Variants in IL9R observed in about 807,000 individuals in gnomAD.
The protein encoded by IL9R is interleukin 9 receptor, also known as interleukin-9 receptor.
Under a neutral mutation model 56.3 loss-of-function variants are expected in IL9R, and 54 were observed. That is an observed-to-expected ratio of 0.96 (90% CI 0.77 to 1.20). The LOEUF (loss-of-function observed/expected upper bound fraction) is 1.20. Ranked by LOEUF, IL9R falls within the 50% of genes most tolerant of loss-of-function variation. The probability of loss-of-function intolerance (pLI) is 0.00; values close to 1 mark genes in which losing one functional copy is unlikely to be tolerated. For missense variants in IL9R, 545 were observed against 629.8 expected, an observed-to-expected ratio of 0.87 and a Z score of 1.44; for synonymous variants, 212 against 250.2, an observed-to-expected ratio of 0.85 and a Z score of 1.44.
rs1325321794 is a variant in IL9R at position 156,003,736 on chromosome X, T to C, written c.314T>C (p.Val105Ala). The change falls in exon 4 of 9, where the codon GTG becomes GCG. Residue 105 changes from valine (V) to alanine (A), a missense_variant. Transcript: ENST00000244174. ...CILRGSECTV[V>A]LPPEAVLVPS... ...TTGCGGGGCAGTGAGTGCACCGTCG[T>C]GCTGCCACCTGAGGCAGTGCTCGTG... is the stretch of plus-strand genomic sequence containing the variant. 6.2e-7 allele frequency: 1 copy of C among 1,613,930 alleles called. No individual in the cohort carries two copies. Among genetic ancestry groups the C allele is most frequent in the Non-Finnish European group, 8.5e-7 (1 of 1,179,830 alleles).
Position 156,010,143 on chromosome X carries a change from A to G in IL9R, c.1300A>G (p.Ser434Gly), listed in dbSNP as rs2068400602. The stretch of plus-strand genomic sequence containing the variant: ...CTCAGAGGGCAGCAGGAGCAGCAGC[A>G]GCAGCAGCAGCAGCAACAACAACAA... ...PDSEGSRSSS[S>G]SSSSNNNNYC... Residue 434 changes from serine (S) to glycine (G), a missense_variant, in exon 9 of 9, where the codon AGC (serine) becomes GGC (glycine). By Grantham distance (56) the Ser-to-Gly change is moderately conservative (BLOSUM62 0). Transcript: ENST00000244174. 6.4e-7 allele frequency: 1 copy of G among 1,551,988 alleles called. No individual in the cohort carries two copies. The highest frequency in any genetic ancestry group is 1.8e-5 in the Admixed American group (1 of 55,560).
chrX:156,000,787 G>A (rs1001634917), intron 1 of IL9R, among the ~76,000 whole-genome samples: 1 of 152,186 alleles, frequency 6.6e-6, no homozygotes, highest in Non-Finnish European at 1.5e-5. Context: ...AAGCACTGTG[G>A]TGCCTTCTGC....
intron 5 of IL9R, among the ~76,000 whole-genome samples, chrX:156,004,773 C>T (rs1292511594): frequency 6.6e-6 from 1 of 152,092 alleles, no homozygotes; most frequent in African/African-American, 2.4e-5. Context: ...GCCTGTGTCT[C>T]TGTGTGTGCA....
intron 1 of IL9R, chrX:156,001,300 G>C: frequency 1.2e-6 from 1 of 818,736 alleles, no homozygotes; most frequent in Non-Finnish European, 2.2e-6. Context: ...TCAGCTCTCA[G>C]CTGTGGCCGT....
At chrX:156,009,385 TTGTGTGTGTG>T in intron 8 of IL9R, among the ~76,000 whole-genome samples, 1 of 139,564 alleles carries the variant, frequency 7.2e-6, no homozygotes, top group Non-Finnish European at 1.5e-5. Context: ...CTGTGTGTGT[TTGTGTGTGTG>T]TGTGTCTCTG....
intron 6 of IL9R, 99 bp downstream of exon 6, chrX:156,005,578 C>A: frequency 2.0e-6 from 2 of 1,020,492 alleles, no homozygotes; most frequent in South Asian, 1.4e-5. Flanking sequence ...CTCCTGTAAG[C>A]CCCTCCCCGA....
Position 156,005,962 on chromosome X carries a change from G to A in IL9R, c.782-121G>A, listed in dbSNP as rs779816338. The stretch of plus-strand genomic sequence containing the variant: ...TCAGCAGGTGACACAAACCTCCAAG[G>A]CCCATCACAAACCTTCCACTTTGGC... On this transcript the variant is annotated intron_variant, in intron 6 of 8. Coordinates refer to ENST00000244174, the MANE Select transcript of IL9R (RefSeq NM_002186.3). 85 of 691,110 alleles carry A rather than the reference G, an allele frequency of 1.2e-4. No individual in the cohort carries two copies. The African/African-American group carries it at 1.4e-3, about 11-fold the overall frequency. The allele number at this position is 691,110 out of a possible 1,614,324, so 42.8% of individuals were successfully genotyped here.
chrX:156,007,469 A>T (rs1466733707), intron 7 of IL9R, 54 bp from the exon 8 acceptor site: 1 of 864,462 alleles, frequency 1.2e-6, no homozygotes, highest in Non-Finnish European at 1.9e-6. Flanking sequence ...CTCTGCAGTG[A>T]CCTCAGGCCA....
In IL9R at chrX:156,005,366, G is replaced by C. The variant is rs2067853284; in HGVS notation, c.668G>C (p.Arg223Thr). ...ELDPGFIHEA[R>T]LRVQMATLED... The stretch of plus-strand genomic sequence containing the variant: ...GACCCTGGCTTTATCCATGAGGCCA[G>C]GCTGCGTGTCCAGATGGCCACACTG... The change falls in exon 6 of 9, where the codon AGG (arginine) becomes ACG (threonine). Residue 223 changes from arginine (R) to threonine (T), a missense_variant. Physicochemically the swap from Arg to Thr is moderately conservative, Grantham distance 71. This residue lies in a region of IL9R where 431 missense variants were observed against 360.0 expected (regional missense o/e 1.20). Coordinates refer to ENST00000244174, the MANE Select transcript of IL9R (RefSeq NM_002186.3). 1.2e-5 allele frequency: 19 copies of C among 1,612,908 alleles called. No homozygotes were observed. Among genetic ancestry groups the C allele is most frequent in the Non-Finnish European group, 1.5e-5 (18 of 1,179,812 alleles).
chrX:156,011,329 T>G (rs1330146648), downstream of IL9R, among the ~76,000 whole-genome samples: 1 of 103,354 alleles, frequency 9.7e-6, no homozygotes, highest in Admixed American at 8.5e-5. Flanking sequence ...GAAATAAAGA[T>G]GTTGGCAGTG....
In IL9R at chrX:156,005,843, T is replaced by A. The variant is rs755184138; in HGVS notation, c.782-240T>A. Among the ~76,000 whole-genome samples, 25 of 146,230 alleles carry A rather than the reference T, an allele frequency of 1.7e-4. 1 individual carries two copies. Among genetic ancestry groups the A allele is most frequent in the African/African-American group, 6.3e-4 (24 of 38,252 alleles). On this transcript the variant is annotated intron_variant, in intron 6 of 8. Coordinates refer to ENST00000244174, the MANE Select transcript of IL9R (RefSeq NM_002186.3). ...TGGCCCAGGGACTTTATGACCCACC[T>A]TGTGGCAGATGGGAAGAGTGAGGCC...
rs766838763 is a variant in IL9R at position 156,005,825 on chromosome X, G to A, written c.782-258G>A. ...CGCACTGCAGTGCTGAGATGGCCCA[G>A]GGACTTTATGACCCACCTTGTGGCA... is the stretch of plus-strand genomic sequence containing the variant. On this transcript the variant is annotated intron_variant, in intron 6 of 8. Transcript: ENST00000244174. Among the ~76,000 whole-genome samples, 3 of 152,214 alleles carry A rather than the reference G, an allele frequency of 2.0e-5. No individual in the cohort carries two copies. In the South Asian group the frequency reaches 6.2e-4, roughly 32 times the overall value.
intron 8 of IL9R, among the ~76,000 whole-genome samples, chrX:156,009,399 G>A (rs1329386755): frequency 6.8e-6 from 1 of 146,922 alleles, no homozygotes; most frequent in Non-Finnish European, 1.5e-5. Flanking sequence ...GTGTGTGTGT[G>A]TCTCTGTGTG....
rs762970860 is a variant in IL9R, at chrX:156,003,470, C to T, written c.164C>T (p.Thr55Ile). 6.2e-6 allele frequency: 10 copies of T among 1,611,742 alleles called. No homozygotes were observed. In the Admixed American group the frequency reaches 8.3e-5, roughly 13 times the overall value. Reference sequence around the variant, plus strand: ...CCAGGGCCAAGGTCTAGAACCTTCACCTGCCTCACCAACAACATTCTCAGG... The same window carrying T: ...CCAGGGCCAAGGTCTAGAACCTTCATCTGCCTCACCAACAACATTCTCAGG... ...EGQGPRSRTF[T>I]CLTNNILRID... Residue 55 changes from threonine to isoleucine, a missense_variant, in exon 3 of 9, where the codon ACC (threonine) becomes ATC (isoleucine). Physicochemically the swap from Thr to Ile is moderately conservative, Grantham distance 89 (BLOSUM62 -1). Transcript: ENST00000244174.
chrX:156,006,071 T>C lies in IL9R; in HGVS notation c.782-12T>C. 1 of 1,578,028 alleles carries C rather than the reference T, an allele frequency of 6.3e-7. No individual in the cohort carries two copies. The highest frequency in any genetic ancestry group is 8.7e-7 in the Non-Finnish European group (1 of 1,149,132). ...GAGGCTGCTCACAGCCCTGGGCCCT[T>C]CCTGTCCACAGGCCCTCTGATCCCA... On this transcript the variant is annotated splice_polypyrimidine_tract_variant and intron_variant, in intron 6 of 8. Transcript: ENST00000244174.
chrX:156,009,433 G>T (rs1407594583), intron 8 of IL9R, among the ~76,000 whole-genome samples: 2 of 150,018 alleles, frequency 1.3e-5, no homozygotes, highest in Non-Finnish European at 3.0e-5. Flanking sequence ...GTATGTTTGT[G>T]TGTGTGTGTG....
At chrX:156,000,143 A>ATATATATATATAT (rs1220909165) in intron 1 of IL9R, among the ~76,000 whole-genome samples, 3 of 129,832 alleles carry the variant, frequency 2.3e-5, no homozygotes, top group African/African-American at 6.5e-5. Context: ...CTAAAAAAAA[A>ATATATATATATAT]AAATATATAT....
At chrX:155,999,385 A>G (rs957728063) in intron 1 of IL9R, among the ~76,000 whole-genome samples, 9 of 152,026 alleles carry the variant, frequency 5.9e-5, no homozygotes, top group Non-Finnish European at 4.4e-5. Flanking sequence ...CTTCTCTGAA[A>G]GTGTGTGGGA....
intron 1 of IL9R, among the ~76,000 whole-genome samples, chrX:156,000,443 G>T (rs931304834): frequency 4.7e-4 from 72 of 152,124 alleles, no homozygotes; most frequent in Non-Finnish European, 7.1e-4. Flanking sequence ...AATGGGTGGG[G>T]CTCTGAGAAC....
Sources: gnomAD v4.1 joint callset for allele counts (sites outside exome capture counted in the v4.1 genomes callset) on GRCh38, gnomAD v4.1.1 for gene constraint, gnomAD v4.1.1 regional missense constraint, MANE v1.5 for transcripts, NCBI Gene and HGNC (gene_info 2026-07-23, HGNC 2026-07-21) for gene names.